The following KIF25 variants were observed in gnomAD, a reference collection of about 807,000 sequenced individuals.
KIF25 encodes the protein kinesin family member 25.
A neutral mutation model predicts 32.9 loss-of-function variants in KIF25; 19 were observed. The ratio of observed to expected loss-of-function variants is 0.58; its 90% confidence interval spans 0.40 to 0.85. The LOEUF (loss-of-function observed/expected upper bound fraction) is 0.85, where lower values mean the gene tolerates loss of function less well. KIF25 is among the 40% of genes least tolerant of loss of function. The pLI is 0.00. For synonymous variants in KIF25, 225 were observed against 213.7 expected, an observed-to-expected ratio of 1.05 and a Z score of -0.46; for missense variants, 485 against 507.0, an observed-to-expected ratio of 0.96 and a Z score of 0.42.
chr6:168,010,252 T>C (rs145662131), intron 4 of KIF25, among the ~76,000 whole-genome samples: 1 of 152,198 alleles, frequency 6.6e-6, no homozygotes, highest in East Asian at 1.9e-4. Flanking sequence ...TGGAATGATA[T>C]ATTTCTATTT....
At chr6:168,018,375 G>C (rs556006170) in intron 5 of KIF25, among the ~76,000 whole-genome samples, 62 of 152,146 alleles carry the variant, frequency 4.1e-4, no homozygotes, top group African/African-American at 1.4e-3. Flanking sequence ...TGTGTGTTCT[G>C]GGCACACTTA....
rs12212050 is a variant in KIF25 at position 168,031,406 on chromosome 6, C to T, written c.167+559C>T. On this transcript the variant is annotated intron_variant, in intron 7 of 12. Coordinates refer to ENST00000643607, the MANE Select transcript of KIF25 (RefSeq NM_030615.4). ...GCAGAAGTCCACATAAAGTTCCTGACGAAGACTTACTTGCATTGTCCAGCA... is the reference window on the plus strand; with the variant it reads ...GCAGAAGTCCACATAAAGTTCCTGATGAAGACTTACTTGCATTGTCCAGCA... 5.1e-3 allele frequency among the ~76,000 whole-genome samples: 783 copies of T among 152,294 alleles called. 3 individuals are homozygous for T. The highest frequency in any genetic ancestry group is 0.011 in the Admixed American group (162 of 15,298).
intron 7 of KIF25, among the ~76,000 whole-genome samples, chr6:168,031,462 C>T (rs1798941173): frequency 6.6e-6 from 1 of 152,238 alleles, no homozygotes; most frequent in Admixed American, 6.5e-5. Context: ...CTCAAGGAAC[C>T]TCAAGGACCT....
intron 8 of KIF25, among the ~76,000 whole-genome samples, chr6:168,036,471 A>T (rs1356244787): frequency 6.6e-6 from 1 of 152,220 alleles, no homozygotes; most frequent in Non-Finnish European, 1.5e-5. Flanking sequence ...TCATTGCAGG[A>T]CCTGGAGTCC....
intron 5 of KIF25, among the ~76,000 whole-genome samples, chr6:168,023,887 T>C (rs539963549): frequency 6.6e-6 from 1 of 152,356 alleles, no homozygotes; most frequent in East Asian, 1.9e-4. Flanking sequence ...TACTCAAGGA[T>C]TGCAATAATA....
Position 168,008,487 on chromosome 6 carries a change from A to G in KIF25, c.-163+4784A>G, listed in dbSNP as rs78580685. ...ATTTTGGTTACTATAGCTTTGTAAT[A>G]TATTTTGAGAGCAGGTAGTGTGATT... On this transcript the variant is annotated intron_variant, in intron 4 of 12. Coordinates refer to ENST00000643607, the MANE Select transcript of KIF25 (RefSeq NM_030615.4). Among the ~76,000 whole-genome samples, 690 of 152,240 alleles carry G rather than the reference A, an allele frequency of 4.5e-3. 7 individuals are homozygous for G. The highest frequency in any genetic ancestry group is 0.016 in the African/African-American group (655 of 41,550).
intron 4 of KIF25, among the ~76,000 whole-genome samples, chr6:168,005,511 T>C (rs1441423131): frequency 6.6e-6 from 1 of 152,172 alleles, no homozygotes; most frequent in Non-Finnish European, 1.5e-5. Context: ...CGACCCTGTA[T>C]TAGCCAGGGA....
rs758390547 is a variant in KIF25, at chr6:168,011,367, C to T, written c.-162-6606C>T. ...ACATGTAAGACACCCTTGAGTATTT[C>T]TTGTAAGTCCCGTCTTGTGGTAATG... is the stretch of plus-strand genomic sequence containing the variant. On this transcript the variant is annotated intron_variant, in intron 4 of 12. Transcript: ENST00000643607. Among the ~76,000 whole-genome samples, 21 of 152,256 alleles carry T rather than the reference C, an allele frequency of 1.4e-4. No homozygotes were observed. In the South Asian group the frequency reaches 3.5e-3, roughly 26 times the overall value.
intron 7 of KIF25, among the ~76,000 whole-genome samples, chr6:168,032,162 G>A (rs1441896697): frequency 6.6e-6 from 1 of 152,210 alleles, no homozygotes; most frequent in African/African-American, 2.4e-5. Context: ...GGTATCGTGA[G>A]GCCTGTCCGG....
chr6:168,040,057 G>C lies in KIF25; in HGVS notation c.495-8G>C. Reference sequence around the variant, plus strand: ...CACTGTGTTCCCCACTGCTTGCCTTGTCTGTAGGGCTGTCGGCAGCGCCTC... The same window carrying C: ...CACTGTGTTCCCCACTGCTTGCCTTCTCTGTAGGGCTGTCGGCAGCGCCTC... On this transcript the variant is annotated splice_polypyrimidine_tract_variant and splice_region_variant and intron_variant, in intron 9 of 12. Transcript: ENST00000643607. 1 of 1,607,928 alleles carries C rather than the reference G, an allele frequency of 6.2e-7. No homozygotes were observed. The highest frequency in any genetic ancestry group is 8.5e-7 in the Non-Finnish European group (1 of 1,176,122).
chr6:168,021,447 G>A (rs56333054), intron 5 of KIF25, among the ~76,000 whole-genome samples: 2,465 of 152,268 alleles, frequency 0.016, 73 homozygotes, highest in African/African-American at 0.056. Context: ...TTCAAATGAC[G>A]CACGAGTTTA....
At chr6:168,037,468 C>A (rs889464953) in intron 8 of KIF25, among the ~76,000 whole-genome samples, 1 of 152,116 alleles carries the variant, frequency 6.6e-6, no homozygotes, top group Non-Finnish European at 1.5e-5. Flanking sequence ...CATCACCATG[C>A]AGGTGGTAGA....
At chr6:168,000,127 C>T (rs1798477939) in intron 2 of KIF25, among the ~76,000 whole-genome samples, 1 of 110,196 alleles carries the variant, frequency 9.1e-6, no homozygotes, top group African/African-American at 3.6e-5. Flanking sequence ...ATCCTGTCTA[C>T]ACCTGACCCT....
chr6:168,018,043 A>T lies in KIF25; in HGVS notation c.-95+3A>T, dbSNP rs1410782466. 1 of 152,650 alleles carries T rather than the reference A, an allele frequency of 6.6e-6. No individual in the cohort carries two copies. The highest frequency in any genetic ancestry group is 1.5e-5 in the Non-Finnish European group (1 of 68,036). 9.5% of individuals were successfully genotyped at this position (152,650 alleles called of 1,614,324 possible). On this transcript the variant is annotated splice_donor_region_variant and intron_variant, in intron 5 of 12. Coordinates refer to ENST00000643607, the MANE Select transcript of KIF25 (RefSeq NM_030615.4). ...GATAAGACATATCATTTTGAAAGGT[A>T]AGTGCTTTTCAAGATGTCCTATAAA...
chr6:168,025,158 G>A (rs1363613494), intron 5 of KIF25, among the ~76,000 whole-genome samples: 2 of 152,242 alleles, frequency 1.3e-5, no homozygotes, highest in African/African-American at 2.4e-5. Context: ...TGGAGGTTTA[G>A]GTGGGACAGG....
At chr6:168,035,252 C>T (rs1000160743) in intron 8 of KIF25, among the ~76,000 whole-genome samples, 2 of 151,484 alleles carry the variant, frequency 1.3e-5, no homozygotes, top group Non-Finnish European at 2.9e-5. Context: ...TCGCAGTGTT[C>T]CCAGTGTGAG....
intron 4 of KIF25, among the ~76,000 whole-genome samples, chr6:168,004,792 C>G (rs1459890258): frequency 6.6e-6 from 1 of 152,198 alleles, no homozygotes; most frequent in Admixed American, 6.5e-5. Flanking sequence ...CCTCTAAGCA[C>G]TCGCAGCTTC....
At chr6:168,006,532 G>T (rs781740816) in intron 4 of KIF25, among the ~76,000 whole-genome samples, 3 of 152,158 alleles carry the variant, frequency 2.0e-5, no homozygotes, top group Non-Finnish European at 2.9e-5. Context: ...ACCTGAGGAC[G>T]TCTTGTGCTG....
At position 168,042,716 on chromosome 6, in the gene KIF25, G is replaced by A. The variant is rs147788292; in HGVS notation, c.985G>A (p.Gly329Arg). 69 of 1,607,830 alleles carry A rather than the reference G, an allele frequency of 4.3e-5. No individual in the cohort carries two copies. Among genetic ancestry groups the A allele is most frequent in the African/African-American group, 1.2e-4 (9 of 74,840 alleles). Reference sequence around the variant, plus strand: ...CACCCACCTCCTTCAGGACTGCCTCGGTAACCGTTTTCCCCAAAATGCCCC... The same window carrying A: ...CACCCACCTCCTTCAGGACTGCCTCAGTAACCGTTTTCCCCAAAATGCCCC... ...RLTHLLQDCL[G>R]GDAKLLVILC... Residue 329 changes from glycine to arginine, a missense_variant and splice_region_variant, in exon 12 of 13, where the codon GGA becomes AGA. This residue lies in a region of KIF25 where 480 missense variants were observed against 470.3 expected (regional missense o/e 1.02). Coordinates refer to ENST00000643607, the MANE Select transcript of KIF25 (RefSeq NM_030615.4).
Sources: allele counts gnomAD v4.1 joint callset (sites outside exome capture counted in the v4.1 genomes callset), GRCh38; gene constraint gnomAD v4.1.1; regional missense constraint gnomAD v4.1.1; transcripts MANE v1.5; gene names NCBI Gene and HGNC (gene_info 2026-07-23, HGNC 2026-07-21).